KIAA1217: variants seen among roughly 807,000 people sequenced by gnomAD.
The protein encoded by KIAA1217 is KIAA1217.
In KIAA1217, 88 loss-of-function variants were observed where a neutral mutation model predicts 163.9. The observed-to-expected ratio is 0.54, with a 90% CI of 0.45 to 0.64. The LOEUF is 0.64. Among genes scored for constraint, KIAA1217 ranks in the 30% least tolerant of loss-of-function variants. KIAA1217 has a pLI of 0.00. For missense variants in KIAA1217, 2,372 were observed against 2,475.0 expected (o/e 0.96, Z 0.88); for synonymous variants, 903 against 923.1 (o/e 0.98, Z 0.39).
intron 1 of KIAA1217, among the ~76,000 whole-genome samples, chr10:23,958,310 A>C (rs1380888894): frequency 6.6e-6 from 1 of 152,168 alleles, no homozygotes; most frequent in Non-Finnish European, 1.5e-5. Flanking sequence ...TGGGAGGAAG[A>C]CTGGGTTGAA....
At chr10:23,851,537 A>G (rs1026079926) in intron 1 of KIAA1217, among the ~76,000 whole-genome samples, 3 of 152,216 alleles carry the variant, frequency 2.0e-5, no homozygotes, top group Non-Finnish European at 4.4e-5. Flanking sequence ...CAGTAAAGAG[A>G]TGGCTGGGTC....
Position 24,473,423 on chromosome 10 carries a change from A to G in KIAA1217, c.1042A>G (p.Arg348Gly). Residue 348 changes from arginine (R) to glycine (G), a missense_variant, in exon 6 of 21, where the codon AGG (arginine) becomes GGG (glycine). Arg to Gly is a moderately radical substitution (Grantham distance 125, BLOSUM62 -2). Transcript: ENST00000376454. Reference protein sequence around the residue: ...MVVPGNATIPRDRISSLPVSR... With the variant: ...MVVPGNATIPGDRISSLPVSR... ...TGTTCCTGGCAATGCCACCATCCCC[A>G]GGGACAGAATCTCCAGCCTGCCAGT... 2 of 1,614,054 alleles carry G rather than the reference A, an allele frequency of 1.2e-6. No homozygotes were observed. Among genetic ancestry groups the G allele is most frequent in the Non-Finnish European group, 8.5e-7 (1 of 1,180,002 alleles).
chr10:24,179,165 A>G (rs1392874782), intron 2 of KIAA1217, among the ~76,000 whole-genome samples: 1 of 152,224 alleles, frequency 6.6e-6, no homozygotes, highest in African/African-American at 2.4e-5. Flanking sequence ...CCATTTTAAC[A>G]AAGAGCAATA....
At chr10:24,236,755 G>A (rs1003275231) in intron 2 of KIAA1217, among the ~76,000 whole-genome samples, 4 of 151,592 alleles carry the variant, frequency 2.6e-5, no homozygotes, top group East Asian at 2.0e-4. Context: ...GGGCTCAGGC[G>A]TTCCTCTCAC....
chr10:24,413,610 C>G (rs2057994576), intron 3 of KIAA1217, among the ~76,000 whole-genome samples: 1 of 152,190 alleles, frequency 6.6e-6, no homozygotes, highest in Admixed American at 6.5e-5. Flanking sequence ...CCTTTCTAAC[C>G]TCTTCTCATT....
chr10:24,091,553 T>A (rs1307395708), intron 2 of KIAA1217, among the ~76,000 whole-genome samples: 1 of 151,820 alleles, frequency 6.6e-6, no homozygotes, highest in South Asian at 2.1e-4. Flanking sequence ...GTAAGGGAAC[T>A]TTCATGAGCA....
intron 1 of KIAA1217, among the ~76,000 whole-genome samples, chr10:23,880,702 T>C (rs929595722): frequency 2.6e-5 from 4 of 151,610 alleles, no homozygotes; most frequent in Non-Finnish European, 5.9e-5. Context: ...TATGAAAATA[T>C]CTCTTTTAAT....
chr10:24,075,119 TACACACACACAC>T (rs71397929), intron 2 of KIAA1217, among the ~76,000 whole-genome samples: 141 of 131,562 alleles, frequency 1.1e-3, no homozygotes, highest in African/African-American at 2.6e-3. Flanking sequence ...TCCCCCTAAA[TACACACACACAC>T]ACACACACAC....
At chr10:24,073,645 G>A (rs947710883) in intron 2 of KIAA1217, among the ~76,000 whole-genome samples, 1 of 152,156 alleles carries the variant, frequency 6.6e-6, no homozygotes, top group Non-Finnish European at 1.5e-5. Context: ...TATGATACAG[G>A]AATTGGCTAG....
chr10:24,383,425 C>G (rs1245688704), intron 3 of KIAA1217, among the ~76,000 whole-genome samples: 1 of 152,202 alleles, frequency 6.6e-6, no homozygotes, highest in Non-Finnish European at 1.5e-5. Flanking sequence ...GTTCAGGAAC[C>G]AAGCCTTGGG....
At chr10:23,742,784 C>T (rs1839189996) in intron 1 of KIAA1217, among the ~76,000 whole-genome samples, 1 of 152,144 alleles carries the variant, frequency 6.6e-6, no homozygotes, top group African/African-American at 2.4e-5. Flanking sequence ...CAAACTGTAT[C>T]AGGGGTTGAC....
At chr10:23,921,624 G>T (rs1465931470) in intron 1 of KIAA1217, among the ~76,000 whole-genome samples, 1 of 152,118 alleles carries the variant, frequency 6.6e-6, no homozygotes. Flanking sequence ...ACTTTGAGCT[G>T]GGGGCTGAGC....
intron 1 of KIAA1217, among the ~76,000 whole-genome samples, chr10:23,740,553 T>C (rs1350573146): frequency 1.3e-5 from 2 of 152,006 alleles, no homozygotes; most frequent in Non-Finnish European, 2.9e-5. Flanking sequence ...AAAGATGGGG[T>C]CCTGCTATAT....
At chr10:24,051,011 G>A (rs1849462687) in intron 2 of KIAA1217, among the ~76,000 whole-genome samples, 1 of 151,934 alleles carries the variant, frequency 6.6e-6, no homozygotes, top group Admixed American at 6.6e-5. Context: ...TGAGATTTTG[G>A]TACACTGATC....
rs60528535 is a variant in KIAA1217, at chr10:24,323,788, C to CGTGTGT, written c.355-57042_355-57037dup. On this transcript the variant is annotated intron_variant, in intron 2 of 20. Transcript: ENST00000376454. Reference sequence around the variant, plus strand: ...GAAGACAATGCCCATGTTTTCTCTTCGTGTGTGTGTGTGTGTGTGTGTGTG... The same window carrying CGTGTGT: ...GAAGACAATGCCCATGTTTTCTCTTCGTGTGTGTGTGTGTGTGTGTGTGTGTGTGTG... Among the ~76,000 whole-genome samples, 499 of 144,286 alleles carry CGTGTGT rather than the reference C, an allele frequency of 3.5e-3. 7 individuals are homozygous for CGTGTGT. Among genetic ancestry groups the CGTGTGT allele is most frequent in the African/African-American group, 0.011 (443 of 38,566 alleles). 94.7% of individuals were successfully genotyped at this position (144,286 alleles called of 152,430 possible).
At chr10:23,855,459 A>T (rs1041156696) in intron 1 of KIAA1217, among the ~76,000 whole-genome samples, 1 of 151,852 alleles carries the variant, frequency 6.6e-6, no homozygotes, top group African/African-American at 2.4e-5. Flanking sequence ...TTTTTCCTTC[A>T]TTTCAACTTT....
chr10:23,859,411 A>AT (rs1491304447), intron 1 of KIAA1217, among the ~76,000 whole-genome samples: 1 of 152,222 alleles, frequency 6.6e-6, no homozygotes, highest in Admixed American at 6.5e-5. Context: ...TGGAATTGTC[A>AT]TTGTTGATTG....
At chr10:24,048,347 C>T (rs1489203292) in intron 2 of KIAA1217, among the ~76,000 whole-genome samples, 4 of 152,186 alleles carry the variant, frequency 2.6e-5, no homozygotes, top group African/African-American at 9.7e-5. Flanking sequence ...AACTTTTCTC[C>T]AATTAAATAT....
At chr10:23,917,424 T>C (rs1407178049) in intron 1 of KIAA1217, among the ~76,000 whole-genome samples, 1 of 152,154 alleles carries the variant, frequency 6.6e-6, no homozygotes, top group Non-Finnish European at 1.5e-5. Context: ...GTTCTGTGAA[T>C]ACTTGGCAGC....
Sources: gnomAD v4.1 joint callset for allele counts (sites outside exome capture counted in the v4.1 genomes callset) on GRCh38, gnomAD v4.1.1 for gene constraint, MANE v1.5 for transcripts, NCBI Gene and HGNC (gene_info 2026-07-23, HGNC 2026-07-21) for gene names.